Variants in APBA1 observed in about 807,000 individuals in gnomAD.
APBA1 encodes the protein amyloid-beta A4 precursor protein-binding family A member 1.
In APBA1, 55 loss-of-function variants were observed where a neutral mutation model predicts 86.6. The ratio of observed to expected loss-of-function variants is 0.64; its 90% CI spans 0.51 to 0.80. The LOEUF (loss-of-function observed/expected upper bound fraction) is 0.80. APBA1 is among the 30% of genes least tolerant of loss of function. The pLI, the probability that APBA1 is intolerant of heterozygous loss-of-function variation, is 0.00. For missense variants in APBA1, 1,090 were observed against 1,183.0 expected (o/e 0.92, Z 1.15); for synonymous variants, 511 against 493.9 (o/e 1.03, Z -0.46).
At chr9:69,654,088 G>A (rs552401917) in intron 1 of APBA1, among the ~76,000 whole-genome samples, 9 of 142,996 alleles carry the variant, frequency 6.3e-5, no homozygotes, top group East Asian at 4.0e-4. Flanking sequence ...CTCCAGCCTC[G>A]GCAACGAGAG....
intron 3 of APBA1, 138 bp downstream of exon 3, chr9:69,475,909 TG>T: frequency 1.4e-6 from 1 of 715,986 alleles, no homozygotes; most frequent in Non-Finnish European, 2.5e-6. Flanking sequence ...AACTGCACAC[TG>T]GAGAGGAGAA....
At chr9:69,434,110 C>T (rs28609966) in intron 11 of APBA1, among the ~76,000 whole-genome samples, 8,811 of 152,200 alleles carry the variant, frequency 0.058, 859 homozygotes, top group African/African-American at 0.2. Flanking sequence ...CCAAACTGTT[C>T]GAGTCCCAAT....
At chr9:69,469,774 G>A (rs989548350) in intron 4 of APBA1, among the ~76,000 whole-genome samples, 1 of 152,164 alleles carries the variant, frequency 6.6e-6, no homozygotes, top group African/African-American at 2.4e-5. Flanking sequence ...AAGATTGTCA[G>A]TTCTTCTATG....
chr9:69,596,448 C>T (rs889873688), intron 1 of APBA1, among the ~76,000 whole-genome samples: 3 of 152,072 alleles, frequency 2.0e-5, no homozygotes, highest in South Asian at 2.1e-4. Flanking sequence ...AGGCTCATGG[C>T]GAATGAACAA....
intron 1 of APBA1, among the ~76,000 whole-genome samples, chr9:69,655,468 A>G (rs1358422731): frequency 1.3e-5 from 2 of 152,180 alleles, no homozygotes; most frequent in South Asian, 2.1e-4. Context: ...AAAAATCAAG[A>G]AAGCAAATCC....
chr9:69,439,149 C>CTGTT (rs1310604849), intron 11 of APBA1, among the ~76,000 whole-genome samples: 2 of 94,308 alleles, frequency 2.1e-5, no homozygotes, highest in African/African-American at 9.3e-5. Flanking sequence ...AAGAGATCCG[C>CTGTT]TGTTAGTCTG....
At chr9:69,540,752 C>G (rs566725338) in intron 1 of APBA1, among the ~76,000 whole-genome samples, 3 of 152,294 alleles carry the variant, frequency 2.0e-5, no homozygotes, top group South Asian at 4.1e-4. Flanking sequence ...GCATGAACTA[C>G]CGCACCCGGC....
rs79868315 is a variant in APBA1, at chr9:69,632,971, C to A, written c.-70+39182G>T. Among the ~76,000 whole-genome samples the A allele has an allele frequency of 6.9e-3, 1,046 of 151,812 alleles. 10 individuals are homozygous for A. Among genetic ancestry groups the A allele is most frequent in the African/African-American group, 0.02 (825 of 41,424 alleles). On this transcript the variant is annotated intron_variant, in intron 1 of 12. Transcript: ENST00000265381. ...GGTCAGAGTATCGATTCCTCTAGCTCCCCCCCTGCTGGGTCATGATGGTCA... is the reference window on the plus strand; with the variant it reads ...GGTCAGAGTATCGATTCCTCTAGCTACCCCCCTGCTGGGTCATGATGGTCA...
At chr9:69,494,505 CA>C (rs1175036185) in intron 2 of APBA1, 1 of 152,098 alleles carries the variant, frequency 6.6e-6, no homozygotes, top group Non-Finnish European at 1.5e-5. Flanking sequence ...AATAAATAAC[CA>C]ATTAACTACA....
intron 1 of APBA1, among the ~76,000 whole-genome samples, chr9:69,647,322 C>T (rs1588410823): frequency 6.6e-6 from 1 of 152,204 alleles, no homozygotes; most frequent in Non-Finnish European, 1.5e-5. Context: ...CTCAAATCTG[C>T]AGTTCTACCT....
intron 1 of APBA1, among the ~76,000 whole-genome samples, chr9:69,634,413 G>A (rs554956376): frequency 3.9e-5 from 6 of 152,178 alleles, no homozygotes; most frequent in East Asian, 1.9e-4. Context: ...TTGCCACTGC[G>A]GATTAAAGTG....
intron 1 of APBA1, among the ~76,000 whole-genome samples, chr9:69,523,889 T>C (rs1214175467): frequency 6.6e-6 from 1 of 152,162 alleles, no homozygotes; most frequent in Non-Finnish European, 1.5e-5. Context: ...AGCCATATTC[T>C]TGGATCACAA....
chr9:69,490,499 C>G (rs1165185249), intron 2 of APBA1, among the ~76,000 whole-genome samples: 2 of 151,620 alleles, frequency 1.3e-5, no homozygotes, highest in East Asian at 3.9e-4. Context: ...TAAAAAAAAG[C>G]CCTAGAAGAT....
chr9:69,522,365 G>A (rs1366710228), intron 1 of APBA1, among the ~76,000 whole-genome samples: 1 of 151,740 alleles, frequency 6.6e-6, no homozygotes, highest in Non-Finnish European at 1.5e-5. Flanking sequence ...TCAGCCTTTG[G>A]AGAAGAACTC....
intron 1 of APBA1, among the ~76,000 whole-genome samples, chr9:69,616,706 T>C (rs760062117): frequency 6.6e-6 from 1 of 152,160 alleles, no homozygotes; most frequent in Non-Finnish European, 1.5e-5. Flanking sequence ...ATCTTGACAC[T>C]GACTACTAGT....
intron 1 of APBA1, among the ~76,000 whole-genome samples, chr9:69,572,319 T>G (rs1837129387): frequency 6.6e-6 from 1 of 152,172 alleles, no homozygotes; most frequent in Admixed American, 6.5e-5. Flanking sequence ...CAGCTCCCAC[T>G]TCTAAGTGAA....
At chr9:69,527,209 A>AC (rs1425899753) in intron 1 of APBA1, among the ~76,000 whole-genome samples, 1 of 151,936 alleles carries the variant, frequency 6.6e-6, no homozygotes, top group African/African-American at 2.4e-5. Context: ...CTGTACATGT[A>AC]CCCCCTGAAT....
intron 10 of APBA1, among the ~76,000 whole-genome samples, chr9:69,446,614 G>A (rs1834912732): frequency 6.6e-6 from 1 of 152,228 alleles, no homozygotes; most frequent in African/African-American, 2.4e-5. Flanking sequence ...GCTGCAGAGG[G>A]AGTCAGGCTG....
At chr9:69,462,683 T>C (rs1835209952) in intron 5 of APBA1, 1 of 152,160 alleles carries the variant, frequency 6.6e-6, no homozygotes, top group Non-Finnish European at 1.5e-5. Flanking sequence ...TATTTGCCAG[T>C]GGAACTCTAT....
Sources: allele counts gnomAD v4.1 joint callset (sites outside exome capture counted in the v4.1 genomes callset), GRCh38; gene constraint gnomAD v4.1.1; transcripts MANE v1.5; gene names NCBI Gene and HGNC (gene_info 2026-07-23, HGNC 2026-07-21).